C5: variants seen among roughly 807,000 people sequenced by gnomAD.
C5 encodes C3 and PZP-like alpha-2-macroglobulin domain-containing protein 4.
A neutral mutation model predicts 218.8 loss-of-function variants in C5; 140 were observed. That is an observed-to-expected ratio of 0.64 (90% CI 0.56 to 0.74). The LOEUF (loss-of-function observed/expected upper bound fraction) is 0.74, where lower values mean the gene tolerates loss of function less well. Ranked by LOEUF, C5 falls within the 30% of genes least tolerant of loss-of-function variation. The pLI, the probability that C5 is intolerant of heterozygous loss-of-function variation, is 0.00. For missense variants in C5, 1,700 were observed against 1,969.6 expected (o/e 0.86, Z 2.59); for synonymous variants, 614 against 682.3 (o/e 0.90, Z 1.56).
At chr9:121,074,686 G>A in the C5 span, 2,882 of 401,622 alleles carry the variant, frequency 7.2e-3, 59 homozygotes, top group African/African-American at 0.054. Flanking sequence ...CTCAGCGAAG[G>A]CCACAGCACT....
Position 120,980,143 on chromosome 9 carries a change from T to C in C5, c.3598A>G (p.Lys1200Glu). 1 of 1,614,122 alleles carries C rather than the reference T, an allele frequency of 6.2e-7. No individual in the cohort carries two copies. The change falls in exon 28 of 41, where the codon AAA becomes GAA. Residue 1200 changes from lysine to glutamate, a missense_variant. By Grantham distance (56) the Lys-to-Glu change is moderately conservative. Coordinates refer to ENST00000223642, the MANE Select transcript of C5 (RefSeq NM_001735.3). ...ATTGAACGAAACTGTGGGTGAGTTTTATCTCCCAGGGAAAGAGCATACGCA... is the reference window on the plus strand; with the variant it reads ...ATTGAACGAAACTGTGGGTGAGTTTCATCTCCCAGGGAAAGAGCATACGCA... ...ISAYALSLGDKTHPQFRSIVS... is the reference protein window; with the variant it reads ...ISAYALSLGDETHPQFRSIVS...
At chr9:121,021,797 T>G in intron 10 of C5, 103 bp from the exon 11 acceptor site, 1 of 1,117,644 alleles carries the variant, frequency 8.9e-7, no homozygotes, top group Non-Finnish European at 1.3e-6. Flanking sequence ...TATAAATTAT[T>G]TATGTATTTT....
intron 10 of C5, among the ~76,000 whole-genome samples, chr9:121,022,919 G>A (rs1041407803): frequency 6.6e-6 from 1 of 151,988 alleles, no homozygotes; most frequent in African/African-American, 2.4e-5. Flanking sequence ...GCAATACAGA[G>A]ACGAGAGATT....
chr9:121,072,661 C>G, the C5 span, among the ~76,000 whole-genome samples: 1 of 151,858 alleles, frequency 6.6e-6, no homozygotes, highest in East Asian at 1.9e-4. Flanking sequence ...CAAAAATTAG[C>G]TGGCCTTGGT....
the C5 span, among the ~76,000 whole-genome samples, chr9:121,061,858 A>T: frequency 6.6e-6 from 1 of 152,142 alleles, no homozygotes; most frequent in Non-Finnish European, 1.5e-5. Flanking sequence ...TTACTTTTTG[A>T]TATGTGTATG....
chr9:120,980,286 T>C (rs772008990), intron 27 of C5, 32 bp from the exon 28 acceptor site: 2 of 1,598,574 alleles, frequency 1.3e-6, no homozygotes, highest in Non-Finnish European at 1.7e-6. Context: ...TCAGTTTCTA[T>C]GTCAAGCAAC....
rs1162879619 is a variant in C5 at position 121,015,198 on chromosome 9, C to A, written c.2059+1G>T. 1 of 1,588,422 alleles carries A rather than the reference C, an allele frequency of 6.3e-7. No individual in the cohort carries two copies. Among genetic ancestry groups the A allele is most frequent in the East Asian group, 2.2e-5 (1 of 44,620 alleles). Reference sequence around the variant, plus strand: ...TTACAATCACATGAATCTTACAGTACCTATTTCTTCTATCTTCTTTTGCAG... The same window carrying A: ...TTACAATCACATGAATCTTACAGTAACTATTTCTTCTATCTTCTTTTGCAG... On this transcript the variant is annotated splice_donor_variant, in intron 16 of 40. Coordinates refer to ENST00000223642, the MANE Select transcript of C5 (RefSeq NM_001735.3). LOFTEE classifies it high-confidence loss of function.
chr9:120,979,603 A>G (rs530779404), intron 28 of C5: 56 of 195,868 alleles, frequency 2.9e-4, no homozygotes, highest in African/African-American at 1.3e-3. Flanking sequence ...AGGAATAAAT[A>G]GAGGACAGGT....
At chr9:121,069,841 G>T in the C5 span, among the ~76,000 whole-genome samples, 1 of 152,064 alleles carries the variant, frequency 6.6e-6, no homozygotes, top group Non-Finnish European at 1.5e-5. Flanking sequence ...CACTGTTGGT[G>T]GAATGTAAAC....
intron 33 of C5, among the ~76,000 whole-genome samples, chr9:120,964,331 A>T (rs972800234): frequency 1.3e-5 from 2 of 152,190 alleles, no homozygotes; most frequent in Admixed American, 6.5e-5. Context: ...TACAAAAAAA[A>T]TTAGCCGGGC....
In C5 at chr9:120,972,167, G is replaced by A. The variant is rs181973737; in HGVS notation, c.4018-175C>T. Reference sequence around the variant, plus strand: ...CCCATGGCAGGTGCTAAACAAGGCTGGTATTTCCCCTTTCCCTTCTACATG... The same window carrying A: ...CCCATGGCAGGTGCTAAACAAGGCTAGTATTTCCCCTTTCCCTTCTACATG... On this transcript the variant is annotated intron_variant, in intron 30 of 40. Coordinates refer to ENST00000223642, the MANE Select transcript of C5 (RefSeq NM_001735.3). 4.6e-5 allele frequency among the ~76,000 whole-genome samples: 7 copies of A among 152,208 alleles called. No individual in the cohort carries two copies. The East Asian group carries it at 1.4e-3, about 29-fold the overall frequency.
chr9:121,007,260 G>T (rs919636794), intron 18 of C5, among the ~76,000 whole-genome samples: 2 of 152,210 alleles, frequency 1.3e-5, no homozygotes, highest in African/African-American at 4.8e-5. Flanking sequence ...CAAAGAAAAA[G>T]ATGTTTGTTG....
chr9:120,994,734 A>G (rs765313425), intron 22 of C5, among the ~76,000 whole-genome samples: 1 of 152,174 alleles, frequency 6.6e-6, no homozygotes, highest in South Asian at 2.1e-4. Context: ...TAAGGGAAAA[A>G]AGTCATATGA....
chr9:121,058,746 T>C, the C5 span, among the ~76,000 whole-genome samples: 1 of 152,214 alleles, frequency 6.6e-6, no homozygotes, highest in East Asian at 1.9e-4. Context: ...GCCTTTTTTG[T>C]CTGTAACTAA....
At chr9:121,013,724 G>A (rs1180853103) in intron 17 of C5, 149 bp downstream of exon 17, 8 of 758,378 alleles carry the variant, frequency 1.1e-5, no homozygotes, top group Non-Finnish European at 6.4e-6. Context: ...GCCCAAAAAT[G>A]AAGGATTTTT....
chr9:121,044,927 GTCTTTTGAAAGTAACACTT>G (rs2047613538), intron 2 of C5, among the ~76,000 whole-genome samples: 1 of 149,722 alleles, frequency 6.7e-6, no homozygotes, highest in African/African-American at 2.5e-5. Context: ...ATAAAAGAGT[GTCTTTTGAAAGTAACACTT>G]TCTTTTTTTT....
intron 20 of C5, among the ~76,000 whole-genome samples, chr9:120,998,098 G>A (rs1304520497): frequency 5.9e-5 from 9 of 152,112 alleles, no homozygotes; most frequent in South Asian, 2.1e-4. Flanking sequence ...GCTGTAATCC[G>A]TGCCCAGACT....
chr9:120,966,388 T>A (rs2046868178), intron 33 of C5, among the ~76,000 whole-genome samples: 1 of 152,206 alleles, frequency 6.6e-6, no homozygotes, highest in African/African-American at 2.4e-5. Context: ...AAACTTGAGA[T>A]AAGGTAGTGC....
intron 20 of C5, among the ~76,000 whole-genome samples, chr9:121,002,242 ATG>A (rs200398995): frequency 0.019 from 717 of 37,950 alleles, 6 homozygotes; most frequent in African/African-American, 0.042. Flanking sequence ...ATATATGTAT[ATG>A]TATATATATG....
Sources: allele counts gnomAD v4.1 joint callset (sites outside exome capture counted in the v4.1 genomes callset), GRCh38; gene constraint gnomAD v4.1.1; transcripts MANE v1.5; gene names NCBI Gene and HGNC (gene_info 2026-07-23, HGNC 2026-07-21).